MTMR3: variants seen among roughly 807,000 people sequenced by gnomAD.
The protein encoded by MTMR3 is phosphatidylinositol-3,5-bisphosphate 3-phosphatase MTMR3.
A neutral mutation model predicts 132.4 loss-of-function variants in MTMR3; 32 were observed. The ratio of observed to expected loss-of-function variants is 0.24; its 90% CI spans 0.18 to 0.32. MTMR3 has a LOEUF of 0.32. Ranked by LOEUF, MTMR3 falls within the 10% of genes least tolerant of loss-of-function variation. MTMR3 has a pLI of 1.00. For synonymous variants in MTMR3, 556 were observed against 550.3 expected, an observed-to-expected ratio of 1.01 and a Z score of -0.14; for missense variants, 1,216 against 1,489.6, an observed-to-expected ratio of 0.82 and a Z score of 3.02.
At chr22:29,992,990 C>G (rs2145912124) in intron 7 of MTMR3, 1 of 152,290 alleles carries the variant, frequency 6.6e-6, no homozygotes, top group Non-Finnish European at 1.5e-5. Context: ...GTTGTCAAGT[C>G]CCAGTGCTAG....
chr22:29,908,656 A>G (rs2065147428), intron 1 of MTMR3, among the ~76,000 whole-genome samples: 1 of 150,140 alleles, frequency 6.7e-6, no homozygotes, highest in African/African-American at 2.5e-5. Flanking sequence ...GTTGAAGGGT[A>G]GCTCAGAGAT....
chr22:29,897,445 A>T (rs2064923985), intron 1 of MTMR3, among the ~76,000 whole-genome samples: 1 of 151,652 alleles, frequency 6.6e-6, no homozygotes, highest in Non-Finnish European at 1.5e-5. Flanking sequence ...GTATGTTTTT[A>T]TTTATTTATT....
At chr22:29,993,073 TAC>T (rs1443655211) in intron 7 of MTMR3, 1 of 152,134 alleles carries the variant, frequency 6.6e-6, no homozygotes, top group Non-Finnish European at 1.5e-5. Flanking sequence ...ATGCTGTGGA[TAC>T]AGAGTTTGAA....
In MTMR3 at chr22:29,930,877, C is replaced by G. The variant is rs546099949; in HGVS notation, c.-137-26159C>G. Among the ~76,000 whole-genome samples, 8 of 151,690 alleles carry G rather than the reference C, an allele frequency of 5.3e-5. No individual in the cohort carries two copies. The East Asian group carries it at 1.4e-3, about 26-fold the overall frequency. ...AAAAAATTAGCTGGTCATGCTGATG[C>G]GTGTGAATAGTGCCAGCTACTCAGG... is the stretch of plus-strand genomic sequence containing the variant. On this transcript the variant is annotated intron_variant, in intron 1 of 19. Coordinates refer to ENST00000401950, the MANE Select transcript of MTMR3 (RefSeq NM_021090.4).
intron 1 of MTMR3, among the ~76,000 whole-genome samples, chr22:29,936,317 C>T (rs534977042): frequency 6.6e-6 from 1 of 152,270 alleles, no homozygotes; most frequent in East Asian, 1.9e-4. Context: ...CATTAATAAA[C>T]TGATCACATG....
At chr22:29,951,301 C>T (rs2066075039) in intron 1 of MTMR3, among the ~76,000 whole-genome samples, 1 of 152,108 alleles carries the variant, frequency 6.6e-6, no homozygotes, top group Non-Finnish European at 1.5e-5. Context: ...TCTTCTGCTG[C>T]TAAAGATATT....
At chr22:29,973,486 T>C (rs2066574661) in intron 3 of MTMR3, among the ~76,000 whole-genome samples, 1 of 152,226 alleles carries the variant, frequency 6.6e-6, no homozygotes, top group African/African-American at 2.4e-5. Flanking sequence ...CGAATATGAC[T>C]GGAAATGACA....
intron 3 of MTMR3, among the ~76,000 whole-genome samples, chr22:29,975,662 G>A (rs9614124): frequency 0.16 from 24,522 of 152,122 alleles, 2,078 homozygotes; most frequent in South Asian, 0.24. Context: ...CCGTAGTGGC[G>A]CAATCACAGC....
intron 1 of MTMR3, among the ~76,000 whole-genome samples, chr22:29,896,503 T>C (rs2064899486): frequency 6.6e-6 from 1 of 152,130 alleles, no homozygotes; most frequent in Non-Finnish European, 1.5e-5. Flanking sequence ...TCTTCAAGGC[T>C]CTCGTCTCCT....
intron 1 of MTMR3, among the ~76,000 whole-genome samples, chr22:29,907,755 A>T (rs955824114): frequency 2.0e-5 from 3 of 152,202 alleles, no homozygotes; most frequent in African/African-American, 7.2e-5. Context: ...TTACTAAAAC[A>T]AGTGAATGGC....
intron 1 of MTMR3, among the ~76,000 whole-genome samples, chr22:29,912,945 C>T (rs1264555600): frequency 2.0e-5 from 3 of 152,054 alleles, no homozygotes; most frequent in Non-Finnish European, 4.4e-5. Context: ...GGAGCTCCAT[C>T]GAAAGGGTCT....
intron 1 of MTMR3, among the ~76,000 whole-genome samples, chr22:29,912,206 T>C (rs1449510564): frequency 2.0e-5 from 3 of 152,228 alleles, no homozygotes; most frequent in Admixed American, 6.5e-5. Context: ...TTGTTTTTTT[T>C]ATGCTAAGGT....
chr22:29,931,242 A>G (rs963145613), intron 1 of MTMR3, among the ~76,000 whole-genome samples: 1 of 152,208 alleles, frequency 6.6e-6, no homozygotes, highest in African/African-American at 2.4e-5. Flanking sequence ...GAAGGAAGAC[A>G]GTAGTTTAAT....
At chr22:29,988,437 A>G (rs1601382936) in intron 5 of MTMR3, 43 bp from the exon 6 acceptor site, 1 of 1,471,738 alleles carries the variant, frequency 6.8e-7, no homozygotes. Context: ...TCCAGGGTCA[A>G]TGCCTTTTTG....
At chr22:29,926,414 G>A (rs2065518491) in intron 1 of MTMR3, among the ~76,000 whole-genome samples, 1 of 152,120 alleles carries the variant, frequency 6.6e-6, no homozygotes, top group Non-Finnish European at 1.5e-5. Flanking sequence ...GGAGTGAAAT[G>A]GCTGAATCAT....
At chr22:29,944,367 A>G (rs36605) in intron 1 of MTMR3, among the ~76,000 whole-genome samples, 3 of 151,808 alleles carry the variant, frequency 2.0e-5, no homozygotes, top group Non-Finnish European at 4.4e-5. Flanking sequence ...TTTTACTTCT[A>G]TCTGACTTAC....
chr22:29,932,320 C>A (rs2145792657), intron 1 of MTMR3, among the ~76,000 whole-genome samples: 1 of 152,322 alleles, frequency 6.6e-6, no homozygotes, highest in East Asian at 1.9e-4. Context: ...CTTTCTTAGG[C>A]ACTACATACT....
At chr22:29,945,062 G>T (rs1386082155) in intron 1 of MTMR3, among the ~76,000 whole-genome samples, 1 of 152,146 alleles carries the variant, frequency 6.6e-6, no homozygotes, top group Non-Finnish European at 1.5e-5. Flanking sequence ...ACCCAGGCTG[G>T]AGTGCAGAGG....
intron 19 of MTMR3, chr22:30,023,772 T>A: frequency 2.2e-6 from 1 of 447,418 alleles, no homozygotes; most frequent in South Asian, 2.9e-5. Context: ...GGGGAACCAG[T>A]TGGGTTTTCA....
Sources: gnomAD v4.1 joint callset for allele counts (sites outside exome capture counted in the v4.1 genomes callset) on GRCh38, gnomAD v4.1.1 for gene constraint, MANE v1.5 for transcripts, NCBI Gene and HGNC (gene_info 2026-07-23, HGNC 2026-07-21) for gene names.